Variants in ABHD3 observed in about 807,000 individuals in gnomAD.
ABHD3 encodes abhydrolase domain containing 3, phospholipase.
A neutral mutation model predicts 48.8 loss-of-function variants in ABHD3; 46 were observed. The ratio of observed to expected loss-of-function variants is 0.94; its 90% CI spans 0.74 to 1.20. The LOEUF is 1.20. Ranked by LOEUF, ABHD3 falls within the 50% of genes most tolerant of loss-of-function variation. ABHD3 has a pLI of 0.00. For missense variants in ABHD3, 490 were observed against 497.8 expected (o/e 0.98, Z 0.15); for synonymous variants, 192 against 183.7 (o/e 1.04, Z -0.36).
chr18:21,665,730 T>A (rs943046321), intron 4 of ABHD3, among the ~76,000 whole-genome samples: 7 of 150,810 alleles, frequency 4.6e-5, no homozygotes, highest in South Asian at 2.1e-4. Flanking sequence ...GAGAATGGCG[T>A]GAACCCGGGA....
At chr18:21,693,410 G>C (rs13380995) in intron 3 of ABHD3, among the ~76,000 whole-genome samples, 1 of 152,030 alleles carries the variant, frequency 6.6e-6, no homozygotes, top group African/African-American at 2.4e-5. Context: ...AGGCAGATCC[G>C]ACTCAAGAAT....
intron 6 of ABHD3, among the ~76,000 whole-genome samples, chr18:21,658,385 T>C (rs1007504355): frequency 3.9e-5 from 6 of 152,196 alleles, no homozygotes; most frequent in African/African-American, 1.4e-4. Flanking sequence ...GCTGTATTAT[T>C]CAGCAATGAA....
At chr18:21,693,351 TTGTC>T (rs1465197494) in intron 3 of ABHD3, among the ~76,000 whole-genome samples, 6 of 152,150 alleles carry the variant, frequency 3.9e-5, no homozygotes, top group Admixed American at 3.9e-4. Flanking sequence ...ATGACATAAT[TTGTC>T]TGTGGGTAGG....
chr18:21,659,962 CTTTTTTTT>C (rs60634505), intron 5 of ABHD3, among the ~76,000 whole-genome samples: 1 of 73,840 alleles, frequency 1.4e-5, no homozygotes, highest in African/African-American at 7.9e-5. Context: ...TGCACCCGGC[CTTTTTTTT>C]TTTTTTTTTT....
At chr18:21,677,132 G>T (rs2039900637) in intron 4 of ABHD3, among the ~76,000 whole-genome samples, 4 of 152,114 alleles carry the variant, frequency 2.6e-5, no homozygotes, top group Admixed American at 2.6e-4. Flanking sequence ...ACAATGTGTG[G>T]CCTGTTGAGA....
At chr18:21,704,415 G>C (rs1295679983) in intron 1 of ABHD3, 89 bp downstream of exon 1, 7 of 1,219,546 alleles carry the variant, frequency 5.7e-6, no homozygotes, top group Non-Finnish European at 7.3e-6. Context: ...CGGGGCTGCC[G>C]ACCGCCCCTG....
At chr18:21,675,991 A>G (rs949792348) in intron 4 of ABHD3, among the ~76,000 whole-genome samples, 1 of 152,102 alleles carries the variant, frequency 6.6e-6, no homozygotes, top group African/African-American at 2.4e-5. Flanking sequence ...TGGTGGAGGG[A>G]GAAAGCTCTG....
Position 21,703,673 on chromosome 18 carries a change from C to G in ABHD3, c.237G>C (p.Thr79=). ...CCCAGCACCAGACCGTCGGGTAGTA[C>G]GTTTCTGTAACCACGGGACAGTGGT... The part of the protein sequence containing the change: ...LQDHCPVVTE[T]YYPTVWCWEG... The change falls in exon 2 of 9, where the codon ACG becomes ACC. Residue 79 remains threonine, a synonymous_variant. Coordinates refer to ENST00000289119, the MANE Select transcript of ABHD3 (RefSeq NM_138340.5). The G allele has an allele frequency of 5.6e-6, 9 of 1,614,120 alleles. No individual in the cohort carries two copies. The highest frequency in any genetic ancestry group is 6.8e-6 in the Non-Finnish European group (8 of 1,180,014).
intron 3 of ABHD3, among the ~76,000 whole-genome samples, chr18:21,691,973 C>T (rs1042689704): frequency 2.3e-4 from 35 of 152,112 alleles, no homozygotes; most frequent in Middle Eastern, 3.2e-3. Flanking sequence ...TTTTTTAAGA[C>T]GGAGTTTTGC....
chr18:21,675,968 G>C (rs2039873680), intron 4 of ABHD3, among the ~76,000 whole-genome samples: 1 of 152,114 alleles, frequency 6.6e-6, no homozygotes, highest in African/African-American at 2.4e-5. Context: ...TTATATACTT[G>C]AAAGTCTTCC....
At chr18:21,678,059 C>T (rs1335308852) in intron 4 of ABHD3, among the ~76,000 whole-genome samples, 1 of 152,042 alleles carries the variant, frequency 6.6e-6, no homozygotes, top group East Asian at 1.9e-4. Context: ...GGGGCTCAAG[C>T]AATCCTCCTG....
At chr18:21,692,682 A>AAT (rs2040279352) in intron 3 of ABHD3, among the ~76,000 whole-genome samples, 2 of 152,212 alleles carry the variant, frequency 1.3e-5, no homozygotes, top group African/African-American at 2.4e-5. Flanking sequence ...TCTTCCAGTG[A>AAT]TCTTATTCTA....
At chr18:21,668,217 A>AAAAAAAAAAAAAAAAAAAAAAAAAAG (rs1370034550) in intron 4 of ABHD3, among the ~76,000 whole-genome samples, 1 of 137,558 alleles carries the variant, frequency 7.3e-6, no homozygotes, top group Non-Finnish European at 1.6e-5. Flanking sequence ...AAAAAAAAAA[A>AAAAAAAAAAAAAAAAAAAAAAAAAAG]AAAGAAAGAA....
At position 21,704,560 on chromosome 18, in the gene ABHD3, G is replaced by A. The variant is rs1457743862; in HGVS notation, c.106C>T (p.Leu36Phe). ...GFFGSGVGLS[L>F]ILGFSVAYAF... Reference sequence around the variant, plus strand: ...TAAGCGACGCTGAAGCCCAGGATAAGGGATAAGCCCACCCCCGAGCCGAAG... The same window carrying A: ...TAAGCGACGCTGAAGCCCAGGATAAAGGATAAGCCCACCCCCGAGCCGAAG... Residue 36 changes from leucine to phenylalanine, a missense_variant, in exon 1 of 9, where the codon CTT (leucine) becomes TTT (phenylalanine). Transcript: ENST00000289119. 2 of 1,533,866 alleles carry A rather than the reference G, an allele frequency of 1.3e-6. No individual in the cohort carries two copies. Among genetic ancestry groups the A allele is most frequent in the South Asian group, 1.2e-5 (1 of 81,588 alleles).
At chr18:21,677,131 G>A (rs2039900576) in intron 4 of ABHD3, among the ~76,000 whole-genome samples, 3 of 152,092 alleles carry the variant, frequency 2.0e-5, no homozygotes, top group Admixed American at 2.0e-4. Flanking sequence ...TACAATGTGT[G>A]GCCTGTTGAG....
intron 3 of ABHD3, among the ~76,000 whole-genome samples, chr18:21,700,420 C>T (rs150392072): frequency 0.019 from 2,729 of 142,708 alleles, 83 homozygotes; most frequent in African/African-American, 0.067. Flanking sequence ...TTTTTTGAGA[C>T]GGAGTTTTGC....
intron 3 of ABHD3, among the ~76,000 whole-genome samples, chr18:21,700,452 G>A (rs1369053844): frequency 6.7e-6 from 1 of 150,366 alleles, no homozygotes; most frequent in Non-Finnish European, 1.5e-5. Context: ...AGGCTGGAGT[G>A]CAATGGCACA....
intron 5 of ABHD3, chr18:21,663,779 G>GA: frequency 1.3e-6 from 2 of 1,535,114 alleles, no homozygotes; most frequent in Non-Finnish European, 1.7e-6. Context: ...TTCAGCTTCA[G>GA]AACGCAGCTC....
At chr18:21,658,522 G>A (rs2039407646) in intron 6 of ABHD3, among the ~76,000 whole-genome samples, 3 of 152,124 alleles carry the variant, frequency 2.0e-5, no homozygotes, top group Admixed American at 1.3e-4. Flanking sequence ...TAGTCTTTTA[G>A]AATAATTTAG....
Sources: allele counts gnomAD v4.1 joint callset (sites outside exome capture counted in the v4.1 genomes callset), GRCh38; gene constraint gnomAD v4.1.1; transcripts MANE v1.5; gene names NCBI Gene and HGNC (gene_info 2026-07-23, HGNC 2026-07-21).